Variants in RBFOX3 observed in about 807,000 individuals in gnomAD.
RBFOX3 encodes RNA binding protein fox-1 homolog 3.
In RBFOX3, 17 loss-of-function variants were observed where a neutral mutation model predicts 48.7. That is an observed-to-expected ratio of 0.35 (90% confidence interval 0.24 to 0.52). RBFOX3 has a LOEUF of 0.52. RBFOX3 is among the 20% of genes least tolerant of loss of function. The pLI, the probability that RBFOX3 is intolerant of heterozygous loss-of-function variation, is 0.94. For missense variants in RBFOX3, 382 were observed against 497.5 expected (o/e 0.77, Z 2.21); for synonymous variants, 212 against 209.5 (o/e 1.01, Z -0.10).
At chr17:79,557,060 A>G (rs1242825343) in intron 1 of RBFOX3, among the ~76,000 whole-genome samples, 3 of 152,076 alleles carry the variant, frequency 2.0e-5, no homozygotes, top group African/African-American at 7.2e-5. Context: ...CCTGGGCAAC[A>G]TGGTGAAACT....
At chr17:79,435,005 G>A (rs147089264) in intron 2 of RBFOX3, among the ~76,000 whole-genome samples, 9 of 152,158 alleles carry the variant, frequency 5.9e-5, no homozygotes, top group African/African-American at 1.7e-4. Flanking sequence ...CACCAAGGAA[G>A]GTAACATCAC....
At chr17:79,134,007 T>A (rs928704454) in intron 4 of RBFOX3, among the ~76,000 whole-genome samples, 3 of 152,210 alleles carry the variant, frequency 2.0e-5, no homozygotes, top group African/African-American at 7.2e-5. Context: ...ATGGTCTTCA[T>A]TTAGCAAATG....
chr17:79,641,692 T>C, the RBFOX3 span, among the ~76,000 whole-genome samples: 1 of 152,228 alleles, frequency 6.6e-6, no homozygotes, highest in South Asian at 2.1e-4. Flanking sequence ...TTTGGATCTG[T>C]GTCCCCACCC....
intron 3 of RBFOX3, among the ~76,000 whole-genome samples, chr17:79,265,949 G>A (rs1353811875): frequency 2.0e-5 from 3 of 152,192 alleles, no homozygotes; most frequent in African/African-American, 7.2e-5. Flanking sequence ...AGACTGCTTA[G>A]GCAGCAGGAA....
chr17:79,268,216 G>A (rs999195813), intron 3 of RBFOX3, among the ~76,000 whole-genome samples: 15 of 152,132 alleles, frequency 9.9e-5, no homozygotes, highest in Non-Finnish European at 1.5e-4. Context: ...CAGGACTGGC[G>A]GGTTGCAGAC....
intron 4 of RBFOX3, among the ~76,000 whole-genome samples, chr17:79,162,909 G>T (rs1184093752): frequency 6.6e-6 from 1 of 152,212 alleles, no homozygotes; most frequent in Admixed American, 6.5e-5. Flanking sequence ...TTCTCAAACT[G>T]CAGTTTTCAG....
Position 79,175,182 on chromosome 17 carries a change from G to A in RBFOX3, c.-33-59434C>T, listed in dbSNP as rs537241370. Among the ~76,000 whole-genome samples, 9 of 152,366 alleles carry A rather than the reference G, an allele frequency of 5.9e-5. No individual in the cohort carries two copies. In the South Asian group the frequency reaches 1.7e-3, roughly 28 times the overall value. On this transcript the variant is annotated intron_variant, in intron 4 of 14. Coordinates refer to ENST00000693108, the MANE Select transcript of RBFOX3 (RefSeq NM_001350451.2). ...TGACACGCAGGTGGGAGTACCTGGC[G>A]ATGGCCAAAGGACACATGGCTGAAC...
chr17:79,487,016 G>A (rs2149541710), intron 1 of RBFOX3, among the ~76,000 whole-genome samples: 1 of 152,344 alleles, frequency 6.6e-6, no homozygotes, highest in Non-Finnish European at 1.5e-5. Flanking sequence ...GCTATAAAGT[G>A]TCCTCTATCA....
At chr17:79,404,962 A>G (rs2063347576) in intron 2 of RBFOX3, among the ~76,000 whole-genome samples, 1 of 152,220 alleles carries the variant, frequency 6.6e-6, no homozygotes, top group Non-Finnish European at 1.5e-5. Context: ...CACCTAGTCT[A>G]GACTCCAGGA....
intron 4 of RBFOX3, among the ~76,000 whole-genome samples, chr17:79,120,566 G>C (rs546579762): frequency 6.6e-6 from 1 of 151,876 alleles, no homozygotes; most frequent in South Asian, 2.1e-4. Flanking sequence ...TGGATGGGTA[G>C]ATGGATGGGA....
the RBFOX3 span, among the ~76,000 whole-genome samples, chr17:79,620,407 A>ATG: frequency 6.7e-6 from 1 of 149,188 alleles, no homozygotes; most frequent in Non-Finnish European, 1.5e-5. Flanking sequence ...ACATGCACAC[A>ATG]CACGGACATG....
chr17:79,412,616 A>ATG (rs956128492), intron 2 of RBFOX3, among the ~76,000 whole-genome samples: 30 of 147,786 alleles, frequency 2.0e-4, no homozygotes, highest in Admixed American at 6.8e-4. Flanking sequence ...GCATGGTGTT[A>ATG]TGTGTGTGTG....
chr17:79,094,155 C>T lies in RBFOX3; in HGVS notation c.1077+296G>A, dbSNP rs182059364. 479 of 403,582 alleles carry T rather than the reference C, an allele frequency of 1.2e-3. 3 individuals are homozygous for T. Among genetic ancestry groups the T allele is most frequent in the African/African-American group, 8.6e-3 (420 of 48,672 alleles). 25.0% of individuals were successfully genotyped at this position (403,582 alleles called of 1,614,324 possible). On this transcript the variant is annotated intron_variant, in intron 14 of 14. Transcript: ENST00000693108. The stretch of plus-strand genomic sequence containing the variant: ...GGAAATGGGAATGGAGGGGCCTCAA[C>T]GGGACTTTATTATAGTGAGGGAGCT...
chr17:79,361,927 T>G lies in RBFOX3; in HGVS notation c.-174-54103A>C, dbSNP rs1196319953. 1.3e-5 allele frequency among the ~76,000 whole-genome samples: 2 copies of G among 152,266 alleles called. No homozygotes were observed. Among genetic ancestry groups the G allele is most frequent in the Non-Finnish European group, 2.9e-5 (2 of 68,046 alleles). On this transcript the variant is annotated intron_variant, in intron 2 of 14. Transcript: ENST00000693108. The surrounding 1 kb of genome is among the most constrained non-coding windows in gnomAD (Gnocchi z 4.5). ...CAATAAAAATGTTATAAAAATGTCT[T>G]ATTTTGGTAGTTAATTGCCATTTCC...
the RBFOX3 span, among the ~76,000 whole-genome samples, chr17:79,620,638 C>T: frequency 0.9 from 131,729 of 146,362 alleles, 60,596 homozygotes; most frequent in Non-Finnish European, 0.99. Flanking sequence ...CACACGCACA[C>T]GCACACACAC....
At chr17:79,635,531 TA>T in the RBFOX3 span, among the ~76,000 whole-genome samples, 3 of 152,336 alleles carry the variant, frequency 2.0e-5, no homozygotes, top group African/African-American at 7.2e-5. Context: ...CACATCATTT[TA>T]AAATCTGAGC....
rs2148043623 is a variant in RBFOX3, at chr17:79,242,795, G to T, written c.-73-6990C>A. 6.6e-6 allele frequency among the ~76,000 whole-genome samples: 1 copy of T among 152,250 alleles called. No individual in the cohort carries two copies. The highest frequency in any genetic ancestry group is 2.1e-4 in the South Asian group (1 of 4,822). ...CACAGGGCAGCAGGGCAGGGCTTAG[G>T]GGTTATACGCCGTGCTCAGAGCAGT... is the stretch of plus-strand genomic sequence containing the variant. On this transcript the variant is annotated intron_variant, in intron 3 of 14. Transcript: ENST00000693108. The surrounding 1 kb of genome is among the most constrained non-coding windows in gnomAD (Gnocchi z 5.8).
Position 79,220,403 on chromosome 17 carries a change from T to G in RBFOX3, c.-34+15363A>C, listed in dbSNP as rs1250391846. Among the ~76,000 whole-genome samples, 1 of 152,134 alleles carries G rather than the reference T, an allele frequency of 6.6e-6. No homozygotes were observed. On this transcript the variant is annotated intron_variant, in intron 4 of 14. Coordinates refer to ENST00000693108, the MANE Select transcript of RBFOX3 (RefSeq NM_001350451.2). The surrounding 1 kb of genome is among the most constrained non-coding windows in gnomAD (Gnocchi z 5.9). ...GCTCCTGCTCACTCCAGGTCCTCTC[T>G]CCCTCTCCCTGTGTCTCTGCCTCTC...
At chr17:79,493,179 A>G (rs1484295909) in intron 1 of RBFOX3, among the ~76,000 whole-genome samples, 2 of 151,588 alleles carry the variant, frequency 1.3e-5, no homozygotes, top group Non-Finnish European at 2.9e-5. Context: ...GAGGCACCAC[A>G]CTCTTTTAAA....
Sources: gnomAD v4.1 joint callset for allele counts (sites outside exome capture counted in the v4.1 genomes callset) on GRCh38, gnomAD v4.1.1 for gene constraint, Gnocchi (gnomAD v3.1) non-coding constraint, MANE v1.5 for transcripts, NCBI Gene and HGNC (gene_info 2026-07-23, HGNC 2026-07-21) for gene names.